The following PTDSS2 variants were observed in gnomAD, a reference collection of about 807,000 sequenced individuals.
The protein encoded by PTDSS2 is phosphatidylserine synthase 2, also known as PSS-2.
In PTDSS2, 41 loss-of-function variants were observed where a neutral mutation model predicts 64.7. That is an observed-to-expected ratio of 0.63 (90% CI 0.49 to 0.82). The LOEUF (loss-of-function observed/expected upper bound fraction) is 0.82. Ranked by LOEUF, PTDSS2 falls within the 40% of genes least tolerant of loss-of-function variation. The probability of loss-of-function intolerance (pLI) is 0.00; values close to 1 mark genes in which losing one functional copy is unlikely to be tolerated. For missense variants in PTDSS2, 485 were observed against 650.0 expected (o/e 0.75, Z 2.76); for synonymous variants, 297 against 277.8 (o/e 1.07, Z -0.69).
chr11:488,705 AGCGTCCGT>A, intron 8 of PTDSS2, 58 bp downstream of exon 8: 1 of 1,283,946 alleles, frequency 7.8e-7, no homozygotes, highest in Non-Finnish European at 1.1e-6. Flanking sequence ...AGGCAGCCTC[AGCGTCCGT>A]GCTCCAGCAG....
chr11:484,779 TGTGCGCAGGCGAGTGTAAACTG>T (rs1848230211), intron 4 of PTDSS2, among the ~76,000 whole-genome samples: 1 of 135,086 alleles, frequency 7.4e-6, no homozygotes, highest in African/African-American at 3.3e-5. Flanking sequence ...GTGTGTGTGC[TGTGCGCAGGCGAGTGTAAACTG>T]CACGGGCGCG....
intron 1 of PTDSS2, among the ~76,000 whole-genome samples, chr11:457,666 G>A (rs748168254): frequency 4.6e-5 from 7 of 152,208 alleles, no homozygotes; most frequent in East Asian, 1.9e-4. Flanking sequence ...TTTGTTTCCC[G>A]TTTTAGGTTA....
In PTDSS2 at chr11:461,410, C is replaced by T. The variant is rs909548878; in HGVS notation, c.284+1122C>T. On this transcript the variant is annotated intron_variant, in intron 2 of 11. Transcript: ENST00000308020. The surrounding 1 kb of genome is among the most constrained non-coding windows in gnomAD (Gnocchi z 4.2). Reference sequence around the variant, plus strand: ...GCACAGCAGACCTCATAACTGAGTCCATCTCCCTGGGGGCAGTGGGGCATT... The same window carrying T: ...GCACAGCAGACCTCATAACTGAGTCTATCTCCCTGGGGGCAGTGGGGCATT... Among the ~76,000 whole-genome samples the T allele has an allele frequency of 1.3e-5, 2 of 152,146 alleles. No homozygotes were observed. The highest frequency in any genetic ancestry group is 3.9e-4 in the East Asian group (2 of 5,192).
chr11:459,383 C>CCGG (rs1846763932), intron 1 of PTDSS2: 14 of 149,698 alleles, frequency 9.4e-5, no homozygotes, highest in African/African-American at 3.6e-4. Context: ...AGGACACACT[C>CCGG]TGGTGGATGT....
chr11:479,549 G>A lies in PTDSS2; in HGVS notation c.435+397G>A. ...TCGTATCTGAGTGCTGGTGGGGACT[G>A]GGCGTGAAGGGAGCCGCAAGTCAGG... On this transcript the variant is annotated intron_variant, in intron 4 of 11. Transcript: ENST00000308020. This position sits in a 1 kb window ranked among gnomAD's most constrained non-coding sequence, Gnocchi z 4.2. 1 of 253,490 alleles carries A rather than the reference G, an allele frequency of 3.9e-6. No individual in the cohort carries two copies. Among genetic ancestry groups the A allele is most frequent in the Non-Finnish European group, 7.7e-6 (1 of 130,590 alleles). 15.7% of individuals were successfully genotyped at this position (253,490 alleles called of 1,614,324 possible). A position where few individuals can be genotyped will look rare whatever the true frequency, so the allele number is the denominator to read the frequency against.
chr11:484,929 A>C (rs1006996327), intron 4 of PTDSS2, among the ~76,000 whole-genome samples: 1 of 130,868 alleles, frequency 7.6e-6, no homozygotes, highest in African/African-American at 3.0e-5. Context: ...GGCGAGTGTA[A>C]ACTGCACGGG....
chr11:456,522 C>T (rs1846605120), intron 1 of PTDSS2, among the ~76,000 whole-genome samples: 1 of 152,000 alleles, frequency 6.6e-6, no homozygotes, highest in South Asian at 2.1e-4. Context: ...TCATCTTACT[C>T]TCCTCACCGA....
Position 487,039 on chromosome 11 carries a change from C to T in PTDSS2, c.536C>T (p.Pro179Leu), listed in dbSNP as rs1254629091. 6 of 1,613,608 alleles carry T rather than the reference C, an allele frequency of 3.7e-6. No homozygotes were observed. The highest frequency in any genetic ancestry group is 5.1e-6 in the Non-Finnish European group (6 of 1,179,934). The change falls in exon 5 of 12, where the codon CCA becomes CTA. Residue 179 changes from proline (P) to leucine (L), a missense_variant. Transcript: ENST00000308020. Reference protein sequence around the residue: ...DYGGNCLIYDPDNETDPFHNI... With the variant: ...DYGGNCLIYDLDNETDPFHNI... Reference sequence around the variant, plus strand: ...GGGGGAAACTGCCTCATCTACGACCCAGACAATGAGACTGACCCCTTTCAC... The same window carrying T: ...GGGGGAAACTGCCTCATCTACGACCTAGACAATGAGACTGACCCCTTTCAC...
chr11:488,138 C>A, intron 6 of PTDSS2, 61 bp from the exon 7 acceptor site: 1 of 1,298,960 alleles, frequency 7.7e-7, no homozygotes, highest in Non-Finnish European at 1.1e-6. Context: ...GCTGCACGCA[C>A]CCGTGGGCAG....
At chr11:463,319 C>T (rs1228080574) in intron 2 of PTDSS2, 1 of 151,208 alleles carries the variant, frequency 6.6e-6, no homozygotes, top group Non-Finnish European at 1.5e-5. Context: ...GCTCCGTCTC[C>T]CGGGTTCACG....
rs567106696 is a variant in PTDSS2, at chr11:479,296, G to A, written c.435+144G>A. 35 of 768,840 alleles carry A rather than the reference G, an allele frequency of 4.6e-5. No homozygotes were observed. The highest frequency in any genetic ancestry group is 3.7e-4 in the East Asian group (15 of 40,940). 47.6% of individuals were successfully genotyped at this position (768,840 alleles called of 1,614,324 possible). ...ACCCCCACAAAGTAGGCCGAGCTGCGGGGGGTCTCCAGGAGCATCTGTGCG... is the reference window on the plus strand; with the variant it reads ...ACCCCCACAAAGTAGGCCGAGCTGCAGGGGGTCTCCAGGAGCATCTGTGCG... On this transcript the variant is annotated intron_variant, in intron 4 of 11. Coordinates refer to ENST00000308020, the MANE Select transcript of PTDSS2 (RefSeq NM_030783.3). This position sits in a 1 kb window ranked among gnomAD's most constrained non-coding sequence, Gnocchi z 4.2.
At chr11:473,061 G>A (rs907484874) in intron 2 of PTDSS2, among the ~76,000 whole-genome samples, 1 of 152,240 alleles carries the variant, frequency 6.6e-6, no homozygotes, top group African/African-American at 2.4e-5. Flanking sequence ...TGGGTGCAGC[G>A]AGCGGATGTG....
At position 483,846 on chromosome 11, in the gene PTDSS2, G is replaced by A. The variant is rs890889547; in HGVS notation, c.436-3093G>A. Among the ~76,000 whole-genome samples, 5 of 152,172 alleles carry A rather than the reference G, an allele frequency of 3.3e-5. No individual in the cohort carries two copies. In the East Asian group the frequency reaches 9.6e-4, roughly 29 times the overall value. On this transcript the variant is annotated intron_variant, in intron 4 of 11. Coordinates refer to ENST00000308020, the MANE Select transcript of PTDSS2 (RefSeq NM_030783.3). ...GACGTTTTCTCAGTATTTGTCTGGG[G>A]TGAAGGCGCGCACTGGCACCATCAC...
chr11:485,143 C>T (rs1419146788), intron 4 of PTDSS2, among the ~76,000 whole-genome samples: 2 of 109,722 alleles, frequency 1.8e-5, no homozygotes, highest in African/African-American at 7.5e-5. Context: ...TGTGCGCAGG[C>T]GAGTGTAAGT....
rs1374513429 is a variant in PTDSS2 at position 486,983 on chromosome 11, G to A, written c.480G>A (p.Lys160=). ...GRQFLKYVDP[K]LGVPLPERDY... ...AGTTTCTAAAGTATGTTGACCCCAA[G>A]CTGGGAGTCCCACTGCCAGAGAGAG... The change falls in exon 5 of 12, where the codon AAG becomes AAA. Residue 160 remains lysine, a synonymous_variant. Coordinates refer to ENST00000308020, the MANE Select transcript of PTDSS2 (RefSeq NM_030783.3). 3 of 1,613,258 alleles carry A rather than the reference G, an allele frequency of 1.9e-6. No individual in the cohort carries two copies. The highest frequency in any genetic ancestry group is 2.2e-5 in the East Asian group (1 of 44,908).
At chr11:473,783 C>G (rs553712610) in intron 2 of PTDSS2, 112 bp from the exon 3 acceptor site, 1 of 852,200 alleles carries the variant, frequency 1.2e-6, no homozygotes, top group Non-Finnish European at 2.0e-6. Flanking sequence ...TTCCTCCCGC[C>G]CCAGCATCAG....
intron 7 of PTDSS2, 104 bp downstream of exon 7, chr11:488,416 G>A (rs908525443): frequency 3.8e-6 from 5 of 1,317,842 alleles, no homozygotes; most frequent in Non-Finnish European, 4.4e-6. Flanking sequence ...CTCCCCGGGG[G>A]GCAGTGGGTG....
At chr11:482,548 A>C (rs113283077) in intron 4 of PTDSS2, among the ~76,000 whole-genome samples, 61 of 152,132 alleles carry the variant, frequency 4.0e-4, no homozygotes, top group Non-Finnish European at 7.2e-4. Context: ...TCCTGAGCTC[A>C]AGCGGTCTGA....
chr11:480,898 C>T (rs981319146), intron 4 of PTDSS2, among the ~76,000 whole-genome samples: 4 of 152,020 alleles, frequency 2.6e-5, no homozygotes, highest in East Asian at 1.9e-4. Context: ...CTGGCTAACA[C>T]GGTGAAACCC....
Sources: gnomAD v4.1 joint callset for allele counts (sites outside exome capture counted in the v4.1 genomes callset) on GRCh38, gnomAD v4.1.1 for gene constraint, Gnocchi (gnomAD v3.1) non-coding constraint, MANE v1.5 for transcripts, NCBI Gene and HGNC (gene_info 2026-07-23, HGNC 2026-07-21) for gene names.